DOCK3: variants seen among roughly 807,000 people sequenced by gnomAD.
DOCK3 encodes dedicator of cytokinesis protein 3.
DOCK3 carries 60 observed loss-of-function variants against 265.6 expected under a neutral mutation model. The observed-to-expected ratio is 0.23, with a 90% CI of 0.18 to 0.28. The LOEUF (loss-of-function observed/expected upper bound fraction) is 0.28. Among genes scored for constraint, DOCK3 ranks in the 10% least tolerant of loss-of-function variants. The pLI is 1.00. For synonymous variants in DOCK3, 881 were observed against 938.0 expected, an observed-to-expected ratio of 0.94 and a Z score of 1.11; for missense variants, 1,981 against 2,594.3, an observed-to-expected ratio of 0.76 and a Z score of 5.14.
Position 51,208,877 on chromosome 3 carries a change from T to C in DOCK3, c.1126+15T>C, listed in dbSNP as rs775990046. On this transcript the variant is annotated intron_variant, in intron 13 of 52. Transcript: ENST00000266037. The stretch of plus-strand genomic sequence containing the variant: ...CGCCAGCCATGGTGAGATACTTCTC[T>C]GACTAGAACATTTTGTGTTACATTT... 2.2e-5 allele frequency: 35 copies of C among 1,601,230 alleles called. No homozygotes were observed. The highest frequency in any genetic ancestry group is 2.7e-5 in the Non-Finnish European group (32 of 1,173,582).
At chr3:50,864,487 T>G (rs1326580597) in intron 3 of DOCK3, among the ~76,000 whole-genome samples, 1 of 152,218 alleles carries the variant, frequency 6.6e-6, no homozygotes, top group East Asian at 1.9e-4. Flanking sequence ...GCCTGTGATT[T>G]TTCAGGGCTT....
intron 19 of DOCK3, among the ~76,000 whole-genome samples, chr3:51,231,950 G>A (rs141161435): frequency 2.0e-5 from 3 of 152,222 alleles, no homozygotes; most frequent in African/African-American, 7.2e-5. Flanking sequence ...GAAAGTAGGG[G>A]TCCAGTTTCA....
intron 47 of DOCK3, 147 bp downstream of exon 47, chr3:51,360,779 C>T (rs1450366570): frequency 2.7e-6 from 3 of 1,106,508 alleles, no homozygotes; most frequent in South Asian, 1.6e-5. Flanking sequence ...ATAGGACCCA[C>T]ACCCTGCATT....
rs1314004164 is a variant in DOCK3 at position 51,384,030 on chromosome 3, G to C, written c.*2471G>C. The C allele has an allele frequency of 6.6e-6, 1 of 152,646 alleles. No homozygotes were observed. The highest frequency in any genetic ancestry group is 1.5e-5 in the Non-Finnish European group (1 of 68,036). 9.5% of individuals were successfully genotyped at this position (152,646 alleles called of 1,614,324 possible). Reference sequence around the variant, plus strand: ...AGCAAAGTTAAAGGAAACAAAATTTGTACCATTGTCCCAAGAGGTATTTTA... The same window carrying C: ...AGCAAAGTTAAAGGAAACAAAATTTCTACCATTGTCCCAAGAGGTATTTTA... On this transcript the variant is annotated 3_prime_UTR_variant, in exon 53 of 53. Coordinates refer to ENST00000266037, the MANE Select transcript of DOCK3 (RefSeq NM_004947.5).
intron 5 of DOCK3, among the ~76,000 whole-genome samples, chr3:51,002,726 A>G (rs1413715505): frequency 1.3e-5 from 2 of 152,208 alleles, no homozygotes; most frequent in Non-Finnish European, 2.9e-5. Flanking sequence ...TTGCACTCAG[A>G]CTTATCACCC....
At chr3:50,992,384 A>C (rs1047278848) in intron 5 of DOCK3, among the ~76,000 whole-genome samples, 1 of 152,164 alleles carries the variant, frequency 6.6e-6, no homozygotes, top group Non-Finnish European at 1.5e-5. Flanking sequence ...TGCAACCTCC[A>C]TCTGCCAGGT....
chr3:51,249,712 C>T (rs1281190016), intron 22 of DOCK3, among the ~76,000 whole-genome samples: 10 of 126,860 alleles, frequency 7.9e-5, no homozygotes, highest in South Asian at 3.0e-4. Context: ...CGCCTCTGCC[C>T]GGCCGCCCCT....
chr3:51,274,083 G>C (rs1025021497), intron 24 of DOCK3, among the ~76,000 whole-genome samples: 7 of 152,176 alleles, frequency 4.6e-5, no homozygotes, highest in Non-Finnish European at 1.0e-4. Context: ...CCTGAATTTA[G>C]GATTGTAAAT....
intron 27 of DOCK3, among the ~76,000 whole-genome samples, chr3:51,304,238 G>C (rs950427926): frequency 6.6e-6 from 1 of 152,072 alleles, no homozygotes; most frequent in East Asian, 1.9e-4. Context: ...AAACCGTCCA[G>C]TTTCCCCAGC....
At chr3:51,048,172 C>T (rs1329379149) in intron 5 of DOCK3, among the ~76,000 whole-genome samples, 1 of 109,792 alleles carries the variant, frequency 9.1e-6, no homozygotes, top group African/African-American at 3.8e-5. Flanking sequence ...CAAAATCCAG[C>T]ATCCTTTCAT....
intron 5 of DOCK3, among the ~76,000 whole-genome samples, chr3:50,977,582 TC>T (rs2077504558): frequency 6.6e-6 from 1 of 152,202 alleles, no homozygotes; most frequent in African/African-American, 2.4e-5. Flanking sequence ...TAACATTTTT[TC>T]CTTCATTTCA....
intron 13 of DOCK3, 107 bp downstream of exon 13, chr3:51,208,969 T>C (rs1317258741): frequency 7.6e-6 from 7 of 924,510 alleles, no homozygotes; most frequent in Admixed American, 2.5e-5. Flanking sequence ...CCTACAGATA[T>C]TTATTCTCCT....
intron 37 of DOCK3, 35 bp from the exon 38 acceptor site, chr3:51,341,202 A>T (rs2085215084): frequency 6.5e-7 from 1 of 1,532,708 alleles, no homozygotes; most frequent in African/African-American, 1.4e-5. Context: ...TGAGCAAGGG[A>T]AGCCCCTGGA....
rs952570956 is a variant in DOCK3 at position 51,051,676 on chromosome 3, G to A, written c.316-12772G>A. ...TTTCCCACTGTGTTAGGCCATTCTT[G>A]TGTTGCTGTAAAGGAATATGTGAGA... is the stretch of plus-strand genomic sequence containing the variant. On this transcript the variant is annotated intron_variant, in intron 5 of 52. Transcript: ENST00000266037. Among the ~76,000 whole-genome samples the A allele has an allele frequency of 9.2e-5, 14 of 152,242 alleles. 1 individual carries two copies. The highest frequency in any genetic ancestry group is 6.2e-4 in the South Asian group (3 of 4,824).
chr3:51,239,574 G>GTT lies in DOCK3; in HGVS notation c.2102+1989_2102+1990dup, dbSNP rs1560265802. ...TCCTGGGTTTTTTTTTTGTTTGTTT[G>GTT]TTTTTTGTTTTTTTTGTTTTTTTTT... On this transcript the variant is annotated intron_variant, in intron 21 of 52. Coordinates refer to ENST00000266037, the MANE Select transcript of DOCK3 (RefSeq NM_004947.5). Among the ~76,000 whole-genome samples, 22 of 146,692 alleles carry GTT rather than the reference G, an allele frequency of 1.5e-4. No homozygotes were observed. In the South Asian group the frequency reaches 4.7e-3, roughly 32 times the overall value.
chr3:51,219,398 A>G (rs1054504022), intron 14 of DOCK3, among the ~76,000 whole-genome samples: 1 of 152,160 alleles, frequency 6.6e-6, no homozygotes, highest in Non-Finnish European at 1.5e-5. Context: ...TGTACATATT[A>G]ATAATCCTCA....
At chr3:51,266,375 A>G (rs571713456) in intron 23 of DOCK3, among the ~76,000 whole-genome samples, 2 of 152,356 alleles carry the variant, frequency 1.3e-5, no homozygotes, top group Admixed American at 1.3e-4. Context: ...TGCCAAGTCA[A>G]TCCTAAGCCA....
chr3:51,227,943 G>A, intron 16 of DOCK3, 39 bp from the exon 17 acceptor site: 5 of 1,598,282 alleles, frequency 3.1e-6, no homozygotes, highest in Non-Finnish European at 4.3e-6. Flanking sequence ...GAAGCAGAGT[G>A]GAAGGCAAAA....
intron 41 of DOCK3, 91 bp from the exon 42 acceptor site, chr3:51,355,998 G>C: frequency 6.6e-7 from 1 of 1,520,044 alleles, no homozygotes; most frequent in Non-Finnish European, 9.0e-7. Context: ...CAGGGACTAT[G>C]GTGCACTTCT....
Sources: allele counts gnomAD v4.1 joint callset (sites outside exome capture counted in the v4.1 genomes callset), GRCh38; gene constraint gnomAD v4.1.1; transcripts MANE v1.5; gene names NCBI Gene and HGNC (gene_info 2026-07-23, HGNC 2026-07-21).